Variants in YLPM1 observed in about 807,000 individuals in gnomAD.
YLPM1 encodes the protein YLP motif containing 1.
YLPM1 carries 99 observed loss-of-function variants against 230.0 expected under a neutral mutation model. The ratio of observed to expected loss-of-function variants is 0.43; its 90% CI spans 0.37 to 0.51. The LOEUF (loss-of-function observed/expected upper bound fraction) is 0.51, where lower values mean the gene tolerates loss of function less well. Ranked by LOEUF, YLPM1 falls within the 20% of genes least tolerant of loss-of-function variation. The pLI, the probability that YLPM1 is intolerant of heterozygous loss-of-function variation, is 0.00. For missense variants in YLPM1, 2,592 were observed against 2,707.7 expected (o/e 0.96, Z 0.95); for synonymous variants, 984 against 942.5 (o/e 1.04, Z -0.81).
At chr14:74,796,313 T>TAA (rs1162946286) in intron 4 of YLPM1, among the ~76,000 whole-genome samples, 2 of 152,230 alleles carry the variant, frequency 1.3e-5, no homozygotes, top group African/African-American at 4.8e-5. Context: ...TTAGCCATGC[T>TAA]AAACTATTTG....
In YLPM1 at chr14:74,828,185, G is replaced by C. The variant is rs534769741; in HGVS notation, c.6164-1028G>C. On this transcript the variant is annotated intron_variant, in intron 18 of 20. Transcript: ENST00000325680. ...CTTTTCATACCAAGTTCTCTCCAAC[G>C]TGGTGTCTGAAAGATTTTTATTATA... Among the ~76,000 whole-genome samples the C allele has an allele frequency of 2.6e-5, 4 of 152,098 alleles. 1 individual carries two copies. In the South Asian group the frequency reaches 8.3e-4, roughly 32 times the overall value.
intron 18 of YLPM1, among the ~76,000 whole-genome samples, chr14:74,825,795 C>T (rs1266497876): frequency 6.6e-6 from 1 of 152,064 alleles, no homozygotes; most frequent in African/African-American, 2.4e-5. Context: ...CTAGAGGCCT[C>T]ATGTAATACA....
chr14:74,772,153 C>G (rs2090982918), intron 1 of YLPM1, among the ~76,000 whole-genome samples: 1 of 151,786 alleles, frequency 6.6e-6, no homozygotes, highest in Admixed American at 6.6e-5. Flanking sequence ...CATTTAGTAT[C>G]TAGTTCATTA....
intron 6 of YLPM1, among the ~76,000 whole-genome samples, chr14:74,808,241 A>G (rs898597282): frequency 3.3e-5 from 5 of 152,196 alleles, no homozygotes; most frequent in Non-Finnish European, 7.3e-5. Flanking sequence ...TATAATATGT[A>G]GTCTTTTGTG....
At chr14:74,769,857 C>A (rs1594806686) in intron 1 of YLPM1, among the ~76,000 whole-genome samples, 1 of 95,838 alleles carries the variant, frequency 1.0e-5, no homozygotes, top group Non-Finnish European at 2.3e-5. Context: ...AGACACCCCC[C>A]CCCCCGCCCC....
At chr14:74,835,208 G>A in intron 19 of YLPM1, 57 bp from the exon 20 acceptor site, 1 of 1,596,444 alleles carries the variant, frequency 6.3e-7, no homozygotes, top group Non-Finnish European at 8.5e-7. Context: ...GAGAGGGAGG[G>A]GGCTCTTTGC....
chr14:74,809,502 A>T lies in YLPM1; in HGVS notation c.4644A>T (p.Pro1548=). 6.3e-7 allele frequency: 1 copy of T among 1,582,490 alleles called. No homozygotes were observed. Among genetic ancestry groups the T allele is most frequent in the South Asian group, 1.1e-5 (1 of 87,244 alleles). Residue 1548 remains proline, a synonymous_variant, in exon 7 of 21, where the codon CCA becomes CCT. Transcript: ENST00000325680. ...CCAGGCCACCTGTCCCAATACCACC[A>T]CCTCCACCTCCTCCACCTCTACCTC... ...PVTRPPVPIP[P]PPPPPPLPPP...
chr14:74,811,762 C>T lies in YLPM1; in HGVS notation c.5347+24C>T, dbSNP rs779204855. On this transcript the variant is annotated intron_variant, in intron 10 of 20. Transcript: ENST00000325680. ...AGGTAGAGTGATGCCTTATTAACTA[C>T]AAGGATGTTGAGAATGTAAAGCATG... 5.5e-6 allele frequency: 8 copies of T among 1,466,734 alleles called. No individual in the cohort carries two copies. The East Asian group carries it at 9.7e-5, about 18-fold the overall frequency. 90.9% of individuals were successfully genotyped at this position (1,466,734 alleles called of 1,614,324 possible).
At position 74,798,815 on chromosome 14, in the gene YLPM1, C is replaced by G. The variant is rs750081065; in HGVS notation, c.3518C>G (p.Pro1173Arg). The change falls in exon 5 of 21, where the codon CCA (proline) becomes CGA (arginine). Residue 1173 changes from proline (P) to arginine (R), a missense_variant. This residue lies in a region of YLPM1 where 1,862 missense variants were observed against 1,819.8 expected (regional missense o/e 1.02). Transcript: ENST00000325680. Reference sequence around the variant, plus strand: ...GATAGAGGTCCATTCAGACCAGAACCAGGAGATGGTGGGGAAAAAATGTAT... The same window carrying G: ...GATAGAGGTCCATTCAGACCAGAACGAGGAGATGGTGGGGAAAAAATGTAT... ...GRDRGPFRPE[P>R]GDGGEKMYPY... 6.2e-7 allele frequency: 1 copy of G among 1,613,890 alleles called. No homozygotes were observed. The highest frequency in any genetic ancestry group is 8.5e-7 in the Non-Finnish European group (1 of 1,179,874).
At chr14:74,835,504 G>C (rs2140150366) in intron 20 of YLPM1, 57 bp downstream of exon 20, 3 of 1,473,092 alleles carry the variant, frequency 2.0e-6, no homozygotes, top group African/African-American at 2.8e-5. Flanking sequence ...AAGGGTTTGA[G>C]ATAAAGAAGA....
Position 74,781,358 on chromosome 14 carries a change from C to T in YLPM1, c.1315C>T (p.Arg439Trp), listed in dbSNP as rs981178019. The change falls in exon 4 of 21, where the codon CGG becomes TGG. Residue 439 changes from arginine to tryptophan, a missense_variant. By Grantham distance (101) the Arg-to-Trp change is moderately radical (BLOSUM62 -3). Coordinates refer to ENST00000325680, the MANE Select transcript of YLPM1 (RefSeq NM_019589.3). ...GACCATGTCTGTAGATATGCAGCTG[C>T]GGCATTATGAGATGCAGCAGCAACA... is the stretch of plus-strand genomic sequence containing the variant. The part of the protein sequence containing the change: ...IQTMSVDMQL[R>W]HYEMQQQQFQ... 4 of 1,571,970 alleles carry T rather than the reference C, an allele frequency of 2.5e-6. No individual in the cohort carries two copies. Among genetic ancestry groups the T allele is most frequent in the African/African-American group, 1.4e-5 (1 of 73,958 alleles).
intron 15 of YLPM1, 120 bp from the exon 16 acceptor site, chr14:74,818,111 A>G (rs895904692): frequency 7.0e-6 from 3 of 427,598 alleles, no homozygotes; most frequent in Non-Finnish European, 1.1e-5. Flanking sequence ...AATATTTAAC[A>G]AATATTTAAT....
rs747963061 is a variant in YLPM1 at position 74,781,934 on chromosome 14, C to T, written c.1891C>T (p.Pro631Ser). 2 of 1,613,758 alleles carry T rather than the reference C, an allele frequency of 1.2e-6. No individual in the cohort carries two copies. Among genetic ancestry groups the T allele is most frequent in the Non-Finnish European group, 1.7e-6 (2 of 1,179,830 alleles). ...ACCATTGTCTTCAGCTACACCTCCT[C>T]CAGGAATACCTCCCCCTGGAGTTCC... ...LPPLSSATPP[P>S]GIPPPGVPQG... The change falls in exon 4 of 21, where the codon CCA (proline) becomes TCA (serine). Residue 631 changes from proline to serine, a missense_variant. By Grantham distance (74) the Pro-to-Ser change is moderately conservative (BLOSUM62 -1). Around this residue, in one of 4 missense-constraint regions of YLPM1, gnomAD observed 1,862 missense variants for 1,819.8 expected, o/e 1.02. Transcript: ENST00000325680.
intron 13 of YLPM1, 55 bp downstream of exon 13, chr14:74,816,745 ATG>A: frequency 6.5e-7 from 1 of 1,542,328 alleles, no homozygotes; most frequent in Non-Finnish European, 8.7e-7. Context: ...TTAAAGGAAA[ATG>A]TGTTTGGAGA....
chr14:74,777,836 G>A (rs1164200510), intron 1 of YLPM1, among the ~76,000 whole-genome samples: 1 of 151,998 alleles, frequency 6.6e-6, no homozygotes, highest in Admixed American at 6.6e-5. Flanking sequence ...TTAGCTGGGC[G>A]TGATGGTGCA....
chr14:74,787,585 AAAG>A (rs2091162254), intron 4 of YLPM1, among the ~76,000 whole-genome samples: 2 of 150,624 alleles, frequency 1.3e-5, no homozygotes, highest in Non-Finnish European at 1.5e-5. Flanking sequence ...CAAAAAAAAA[AAAG>A]AAACTAAACG....
chr14:74,766,883 C>CTTTT (rs1158275487), intron 1 of YLPM1, among the ~76,000 whole-genome samples: 1 of 131,174 alleles, frequency 7.6e-6, no homozygotes, highest in African/African-American at 2.8e-5. Context: ...AAGACCTTTT[C>CTTTT]TTTTTTTTTT....
Position 74,764,221 on chromosome 14 carries a change from A to C in YLPM1, c.732A>C (p.Leu244=). 6.2e-7 allele frequency: 1 copy of C among 1,611,760 alleles called. No homozygotes were observed. The highest frequency in any genetic ancestry group is 8.5e-7 in the Non-Finnish European group (1 of 1,179,188). The change falls in exon 1 of 21, where the codon CTA becomes CTC. Residue 244 remains leucine, a synonymous_variant. Coordinates refer to ENST00000325680, the MANE Select transcript of YLPM1 (RefSeq NM_019589.3). ...CCCAGGGCCATTCTAAATCCCAACT[A>C]CTAGCTCCACCACCACCGTCCGCCC... is the stretch of plus-strand genomic sequence containing the variant. ...RPSQGHSKSQ[L]LAPPPPSAPP...
intron 1 of YLPM1, among the ~76,000 whole-genome samples, chr14:74,770,968 G>C (rs1050778657): frequency 6.6e-6 from 1 of 152,190 alleles, no homozygotes; most frequent in African/African-American, 2.4e-5. Context: ...AGAGAAGTGG[G>C]AAGAGTGGAG....
Sources: gnomAD v4.1 joint callset for allele counts (sites outside exome capture counted in the v4.1 genomes callset) on GRCh38, gnomAD v4.1.1 for gene constraint, gnomAD v4.1.1 regional missense constraint, MANE v1.5 for transcripts, NCBI Gene and HGNC (gene_info 2026-07-23, HGNC 2026-07-21) for gene names.